DYRK2: variants seen among roughly 807,000 people sequenced by gnomAD.
The protein encoded by DYRK2 is dual specificity tyrosine phosphorylation regulated kinase 2, also known as dual specificity tyrosine-phosphorylation-regulated kinase 2.
In DYRK2, 12 loss-of-function variants were observed where a neutral mutation model predicts 41.6. The observed-to-expected ratio is 0.29, with a 90% CI of 0.18 to 0.47. DYRK2 has a LOEUF of 0.47. DYRK2 is among the 20% of genes least tolerant of loss of function. The pLI is 1.00. For missense variants in DYRK2, 678 were observed against 798.4 expected (o/e 0.85, Z 1.82); for synonymous variants, 322 against 315.7 (o/e 1.02, Z -0.21).
At chr12:67,650,293 T>G (rs1872281516) in intron 2 of DYRK2, among the ~76,000 whole-genome samples, 1 of 152,146 alleles carries the variant, frequency 6.6e-6, no homozygotes. Flanking sequence ...AACATCTCTG[T>G]CCTTCCCCCA....
intron 1 of DYRK2, 181 bp from the exon 2 acceptor site, chr12:67,649,616 C>T: frequency 2.8e-6 from 2 of 703,150 alleles, no homozygotes; most frequent in Non-Finnish European, 3.9e-6. Flanking sequence ...CAGCTGCCCG[C>T]GCCCCGCCCG....
Position 67,657,841 on chromosome 12 carries a change from A to G in DYRK2, c.934A>G (p.Ile312Val). 1 of 1,614,234 alleles carries G rather than the reference A, an allele frequency of 6.2e-7. No homozygotes were observed. The highest frequency in any genetic ancestry group is 8.5e-7 in the Non-Finnish European group (1 of 1,180,042). The change falls in exon 3 of 3, where the codon ATC becomes GTC. Residue 312 changes from isoleucine (I) to valine (V), a missense_variant. Transcript: ENST00000344096. This position sits in a 1 kb window ranked among gnomAD's most constrained non-coding sequence, Gnocchi z 4.8. Reference protein sequence around the residue: ...ELLSMNLYELIKKNKFQGFSL... With the variant: ...ELLSMNLYELVKKNKFQGFSL... ...GCTGAGCATGAACCTCTATGAGCTC[A>G]TCAAGAAGAATAAATTCCAGGGCTT...
Position 67,653,242 on chromosome 12 carries a change from T to G in DYRK2, c.198+3297T>G, listed in dbSNP as rs1345452550. The stretch of plus-strand genomic sequence containing the variant: ...CTGGAGGGAGAGGTTTTTAGTATCC[T>G]TAAGTTTATGATGTAGTCTTGACAT... On this transcript the variant is annotated intron_variant, in intron 2 of 2. Coordinates refer to ENST00000344096, the MANE Select transcript of DYRK2 (RefSeq NM_006482.3). 2.6e-5 allele frequency among the ~76,000 whole-genome samples: 4 copies of G among 152,206 alleles called. No homozygotes were observed. In the South Asian group the frequency reaches 8.3e-4, roughly 32 times the overall value.
chr12:67,656,901 A>T (rs1244440361), intron 2 of DYRK2, among the ~76,000 whole-genome samples: 1 of 152,214 alleles, frequency 6.6e-6, no homozygotes, highest in Non-Finnish European at 1.5e-5. Context: ...GGGAACCCTG[A>T]ATATGTACAG....
In DYRK2 at chr12:67,658,722, C is replaced by T. The variant is rs368545205; in HGVS notation, c.*9C>T. ...CAAAACTTGTTAGCTGAGCTCACGT[C>T]CCCTGATGCTGGTAACCTGAAAGAT... On this transcript the variant is annotated 3_prime_UTR_variant, in exon 3 of 3. Transcript: ENST00000344096. The surrounding 1 kb of genome is among the most constrained non-coding windows in gnomAD (Gnocchi z 4.3). The T allele has an allele frequency of 6.3e-6, 10 of 1,587,548 alleles. No homozygotes were observed. Among genetic ancestry groups the T allele is most frequent in the South Asian group, 2.3e-5 (2 of 85,842 alleles).
At chr12:67,650,688 G>A (rs1316138123) in intron 2 of DYRK2, among the ~76,000 whole-genome samples, 2 of 152,182 alleles carry the variant, frequency 1.3e-5, no homozygotes, top group African/African-American at 2.4e-5. Flanking sequence ...TGGTGGCTGC[G>A]GAGACTGGCA....
Position 67,648,938 on chromosome 12 carries a change from G to A in DYRK2, c.-196G>A. On this transcript the variant is annotated 5_prime_UTR_variant, in exon 1 of 3. Coordinates refer to ENST00000344096, the MANE Select transcript of DYRK2 (RefSeq NM_006482.3). ...ACGGCGGCGAGGAGGAGAGCGGGGGGCTCGCGGCGGCGGGCCCCGGCCGAG... is the reference window on the plus strand; with the variant it reads ...ACGGCGGCGAGGAGGAGAGCGGGGGACTCGCGGCGGCGGGCCCCGGCCGAG... The A allele has an allele frequency of 2.6e-6, 1 of 384,848 alleles. No individual in the cohort carries two copies. Among genetic ancestry groups the A allele is most frequent in the Non-Finnish European group, 4.6e-6 (1 of 217,570 alleles). The allele number at this position is 384,848 out of a possible 1,614,324, so 23.8% of individuals were successfully genotyped here.
chr12:67,654,662 G>T (rs1055360148), intron 2 of DYRK2, among the ~76,000 whole-genome samples: 1 of 152,196 alleles, frequency 6.6e-6, no homozygotes, highest in Non-Finnish European at 1.5e-5. Context: ...TCATTCGCAG[G>T]TGGATAGCCT....
In DYRK2 at chr12:67,663,612, C is replaced by G. The variant is rs1334655640; in HGVS notation, c.*4899C>G. On this transcript the variant is annotated 3_prime_UTR_variant, in exon 3 of 3. Coordinates refer to ENST00000344096, the MANE Select transcript of DYRK2 (RefSeq NM_006482.3). ...CCAATCAGCAAACTAACCCCAAAATCCAATATATTTAGAAATGTAAGTGTT... is the reference window on the plus strand; with the variant it reads ...CCAATCAGCAAACTAACCCCAAAATGCAATATATTTAGAAATGTAAGTGTT... 1 of 152,064 alleles carries G rather than the reference C, an allele frequency of 6.6e-6. No homozygotes were observed. The highest frequency in any genetic ancestry group is 6.6e-5 in the Admixed American group (1 of 15,252). The allele number at this position is 152,064 out of a possible 1,614,324, so 9.4% of individuals were successfully genotyped here.
In DYRK2 at chr12:67,664,384, G is replaced by A. The variant is rs1592717255; in HGVS notation, c.*5671G>A. On this transcript the variant is annotated 3_prime_UTR_variant, in exon 3 of 3. Transcript: ENST00000344096. Reference sequence around the variant, plus strand: ...TTTTAGGAGTATTAAGTCATCTGTCGTTAAGGAGCAGCAAGAATATATTAT... The same window carrying A: ...TTTTAGGAGTATTAAGTCATCTGTCATTAAGGAGCAGCAAGAATATATTAT... 1 of 152,068 alleles carries A rather than the reference G, an allele frequency of 6.6e-6. No individual in the cohort carries two copies. Among genetic ancestry groups the A allele is most frequent in the Non-Finnish European group, 1.5e-5 (1 of 67,992 alleles). The allele number at this position is 152,068 out of a possible 1,614,324, so 9.4% of individuals were successfully genotyped here. A position where few individuals can be genotyped will look rare whatever the true frequency, so the allele number is the denominator to read the frequency against.
intron 2 of DYRK2, 57 bp downstream of exon 2, chr12:67,650,002 A>G: frequency 7.8e-7 from 1 of 1,286,622 alleles, no homozygotes; most frequent in Non-Finnish European, 9.8e-7. Context: ...CCCCAGGCCG[A>G]AGCACCCGGA....
Position 67,658,710 on chromosome 12 carries a change from C to G in DYRK2, c.1803C>G (p.Ser601Arg), listed in dbSNP as rs1427465540. The G allele has an allele frequency of 6.3e-7, 1 of 1,599,436 alleles. No individual in the cohort carries two copies. Among genetic ancestry groups the G allele is most frequent in the East Asian group, 2.2e-5 (1 of 44,806 alleles). ...GGACAGTGTTGCCAAAACTTGTTAG[C>G]TGAGCTCACGTCCCCTGATGCTGGT... ...QQRTVLPKLV[S>R] The change falls in exon 3 of 3, where the codon AGC (serine) becomes AGG (arginine). Residue 601 changes from serine to arginine, a missense_variant. Transcript: ENST00000344096. This position sits in a 1 kb window ranked among gnomAD's most constrained non-coding sequence, Gnocchi z 4.3.
intron 2 of DYRK2, chr12:67,651,777 T>G: frequency 2.9e-6 from 1 of 344,380 alleles, no homozygotes; most frequent in South Asian, 2.3e-5. Context: ...ATTCTTTCAA[T>G]TTATAGATGA....
At chr12:67,652,625 A>C (rs1872352533) in intron 2 of DYRK2, 1 of 152,184 alleles carries the variant, frequency 6.6e-6, no homozygotes, top group Non-Finnish European at 1.5e-5. Context: ...TAAACGCCCA[A>C]GACTATTATC....
intron 2 of DYRK2, among the ~76,000 whole-genome samples, chr12:67,654,909 TCAGGATCAGTTG>T (rs997805874): frequency 9.9e-5 from 15 of 152,238 alleles, no homozygotes; most frequent in African/African-American, 3.6e-4. Flanking sequence ...CTGGCTGTGT[TCAGGATCAGTTG>T]CAGGGGGTTA....
intron 2 of DYRK2, chr12:67,651,483 G>C: frequency 4.8e-6 from 2 of 419,966 alleles, no homozygotes; most frequent in South Asian, 3.4e-5. Flanking sequence ...GAAACGACAA[G>C]TCTCCACTGG....
chr12:67,648,983 G>T lies in DYRK2; in HGVS notation c.-151G>T. 1 of 545,292 alleles carries T rather than the reference G, an allele frequency of 1.8e-6. No homozygotes were observed. Among genetic ancestry groups the T allele is most frequent in the Non-Finnish European group, 3.0e-6 (1 of 338,758 alleles). The allele number at this position is 545,292 out of a possible 1,614,324, so 33.8% of individuals were successfully genotyped here. ...GCCGAGGGGATGCAGTGGACTGTGTGTGTCTGGCTGTAGCAGACGCGAGGC... is the reference window on the plus strand; with the variant it reads ...GCCGAGGGGATGCAGTGGACTGTGTTTGTCTGGCTGTAGCAGACGCGAGGC... On this transcript the variant is annotated 5_prime_UTR_variant, in exon 1 of 3. Transcript: ENST00000344096.
Position 67,662,969 on chromosome 12 carries a change from C to A in DYRK2, c.*4256C>A, listed in dbSNP as rs993229538. The A allele has an allele frequency of 6.6e-6, 1 of 152,046 alleles. No homozygotes were observed. Among genetic ancestry groups the A allele is most frequent in the African/African-American group, 2.4e-5 (1 of 41,404 alleles). The allele number at this position is 152,046 out of a possible 1,614,324, so 9.4% of individuals were successfully genotyped here. A position where few individuals can be genotyped will look rare whatever the true frequency, so the allele number is the denominator to read the frequency against. Reference sequence around the variant, plus strand: ...TTTTATATATAGCCTCTGCTGTGTTCTTTATTATGCTAGAGCTTCATATCT... The same window carrying A: ...TTTTATATATAGCCTCTGCTGTGTTATTTATTATGCTAGAGCTTCATATCT... On this transcript the variant is annotated 3_prime_UTR_variant, in exon 3 of 3. Coordinates refer to ENST00000344096, the MANE Select transcript of DYRK2 (RefSeq NM_006482.3).
intron 1 of DYRK2, 60 bp downstream of exon 1, chr12:67,649,242 T>A: frequency 8.0e-7 from 1 of 1,254,668 alleles, no homozygotes. Context: ...GGGCAGCCCC[T>A]GTGGCGCGGG....
Sources: allele counts gnomAD v4.1 joint callset (sites outside exome capture counted in the v4.1 genomes callset), GRCh38; gene constraint gnomAD v4.1.1; non-coding constraint Gnocchi (gnomAD v3.1); transcripts MANE v1.5; gene names NCBI Gene and HGNC (gene_info 2026-07-23, HGNC 2026-07-21).